The following SPA17 variants were observed in gnomAD, a reference collection of about 807,000 sequenced individuals.
SPA17 encodes the protein sperm autoantigenic protein 17.
SPA17 carries 7 observed loss-of-function variants against 13.8 expected under a neutral mutation model. The ratio of observed to expected loss-of-function variants is 0.51; its 90% CI spans 0.29 to 0.95. The LOEUF is 0.95. Ranked by LOEUF, SPA17 falls within the 40% of genes least tolerant of loss-of-function variation. The probability of loss-of-function intolerance (pLI) is 0.08; values close to 1 mark genes in which losing one functional copy is unlikely to be tolerated. For synonymous variants in SPA17, 61 were observed against 59.0 expected, an observed-to-expected ratio of 1.03 and a Z score of -0.16; for missense variants, 170 against 179.3, an observed-to-expected ratio of 0.95 and a Z score of 0.30.
At chr11:124,681,965 G>A (rs933494215) in intron 3 of SPA17, among the ~76,000 whole-genome samples, 7 of 152,050 alleles carry the variant, frequency 4.6e-5, no homozygotes, top group Admixed American at 3.9e-4. Flanking sequence ...TGATACAAAA[G>A]ACCGGTTAGA....
intron 3 of SPA17, among the ~76,000 whole-genome samples, chr11:124,683,187 A>G (rs60246168): frequency 6.6e-6 from 1 of 152,220 alleles, no homozygotes; most frequent in Non-Finnish European, 1.5e-5. Context: ...AGCAAATGCC[A>G]AGGGCATTCG....
chr11:124,681,386 T>C lies in SPA17; in HGVS notation c.155-3T>C. ...CTGAAGTTCTTATATTTTTATTATTTAGAAACCAACTTTGATCCAGCAGAA... is the reference window on the plus strand; with the variant it reads ...CTGAAGTTCTTATATTTTTATTATTCAGAAACCAACTTTGATCCAGCAGAA... On this transcript the variant is annotated splice_region_variant and splice_polypyrimidine_tract_variant and intron_variant, in intron 2 of 4. Coordinates refer to ENST00000227135, the MANE Select transcript of SPA17 (RefSeq NM_017425.4). 1.3e-6 allele frequency: 2 copies of C among 1,573,914 alleles called. No individual in the cohort carries two copies. The highest frequency in any genetic ancestry group is 1.7e-6 in the Non-Finnish European group (2 of 1,157,302).
intron 3 of SPA17, among the ~76,000 whole-genome samples, chr11:124,689,243 A>G (rs1449024965): frequency 6.6e-6 from 1 of 152,348 alleles, no homozygotes; most frequent in South Asian, 2.1e-4. Context: ...TTTACTGGAT[A>G]TTGGTCTAGG....
chr11:124,693,867 A>G (rs546083807), intron 4 of SPA17, among the ~76,000 whole-genome samples: 2 of 152,338 alleles, frequency 1.3e-5, no homozygotes, highest in East Asian at 3.9e-4. Context: ...TATGACGATG[A>G]TTAACTAATC....
At chr11:124,688,734 C>G (rs1395063211) in intron 3 of SPA17, among the ~76,000 whole-genome samples, 2 of 152,142 alleles carry the variant, frequency 1.3e-5, no homozygotes, top group Non-Finnish European at 2.9e-5. Flanking sequence ...AAAAACAATC[C>G]TAAAATTCAT....
In SPA17 at chr11:124,694,735, A is replaced by C. The variant is rs1479627695; in HGVS notation, c.*289A>C. ...GTATCTGAGATTACAGAGATCTCAG[A>C]GGTTATGTGTTCTAACTATTATCAA... On this transcript the variant is annotated 3_prime_UTR_variant, in exon 5 of 5. Coordinates refer to ENST00000227135, the MANE Select transcript of SPA17 (RefSeq NM_017425.4). 2 of 256,668 alleles carry C rather than the reference A, an allele frequency of 7.8e-6. No individual in the cohort carries two copies. The highest frequency in any genetic ancestry group is 1.5e-5 in the Non-Finnish European group (2 of 136,288). 15.9% of individuals were successfully genotyped at this position (256,668 alleles called of 1,614,324 possible).
Position 124,691,722 on chromosome 11 carries a change from T to C in SPA17, c.252T>C (p.Asp84=), listed in dbSNP as rs1339918872. Reference sequence around the variant, plus strand: ...AGCAAGAACCACCTGAGAAAAGTGATCCTAAACAAGAAGAGTCTCAGATAT... The same window carrying C: ...AGCAAGAACCACCTGAGAAAAGTGACCCTAAACAAGAAGAGTCTCAGATAT... ...FEEQEPPEKS[D]PKQEESQISG... is the part of the protein sequence containing the mutation. Residue 84 remains aspartate (D), a synonymous_variant, in exon 4 of 5, where the codon GAT becomes GAC. Transcript: ENST00000227135. 2 of 1,612,356 alleles carry C rather than the reference T, an allele frequency of 1.2e-6. No individual in the cohort carries two copies. The highest frequency in any genetic ancestry group is 2.2e-5 in the East Asian group (1 of 44,694).
rs924146321 is a variant in SPA17, at chr11:124,677,172, A to G, written c.154+1754A>G. Among the ~76,000 whole-genome samples the G allele has an allele frequency of 3.3e-5, 5 of 152,152 alleles. 1 individual carries two copies. Among genetic ancestry groups the G allele is most frequent in the African/African-American group, 1.2e-4 (5 of 41,442 alleles). ...CATTTGAAAAAATTGTAAGCACCACACCCAATTCCACCCATGTCAACCAAA... is the reference window on the plus strand; with the variant it reads ...CATTTGAAAAAATTGTAAGCACCACGCCCAATTCCACCCATGTCAACCAAA... On this transcript the variant is annotated intron_variant, in intron 2 of 4. Transcript: ENST00000227135.
At chr11:124,684,897 T>A (rs535960229) in intron 3 of SPA17, among the ~76,000 whole-genome samples, 1 of 152,290 alleles carries the variant, frequency 6.6e-6, no homozygotes, top group African/African-American at 2.4e-5. Context: ...TTGAGAGAAA[T>A]AATTTACAGT....
intron 2 of SPA17, among the ~76,000 whole-genome samples, chr11:124,678,635 C>T (rs894026127): frequency 2.0e-5 from 3 of 152,058 alleles, no homozygotes; most frequent in African/African-American, 7.2e-5. Context: ...CCACTGCAAC[C>T]TCCCAGGCTC....
Position 124,691,793 on chromosome 11 carries a change from T to C in SPA17, c.312+11T>C, listed in dbSNP as rs1298230493. The C allele has an allele frequency of 6.4e-7, 1 of 1,565,978 alleles. No individual in the cohort carries two copies. Among genetic ancestry groups the C allele is most frequent in the Non-Finnish European group, 8.8e-7 (1 of 1,142,830 alleles). On this transcript the variant is annotated intron_variant, in intron 4 of 4. Coordinates refer to ENST00000227135, the MANE Select transcript of SPA17 (RefSeq NM_017425.4). ...TCAGTCACCATCTTAGTATGTAATA[T>C]TTTTCATGTACTATTGGATTCCTAC...
chr11:124,678,443 A>T (rs908258515), intron 2 of SPA17, among the ~76,000 whole-genome samples: 2 of 151,904 alleles, frequency 1.3e-5, no homozygotes, highest in Non-Finnish European at 2.9e-5. Context: ...AAAGTGCTGG[A>T]ATAACAGCTG....
At position 124,685,438 on chromosome 11, in the gene SPA17, G is replaced by T. The variant is rs908455581; in HGVS notation, c.225+3979G>T. On this transcript the variant is annotated intron_variant, in intron 3 of 4. Transcript: ENST00000227135. ...CACCTGGATGTCCAGGCAGAAGTTT[G>T]CTGCAGGTGCAGAGCCCCCATGGAG... 3.3e-5 allele frequency among the ~76,000 whole-genome samples: 5 copies of T among 152,354 alleles called. No individual in the cohort carries two copies. The East Asian group carries it at 7.7e-4, about 24-fold the overall frequency.
intron 4 of SPA17, among the ~76,000 whole-genome samples, chr11:124,692,562 A>G (rs1943632221): frequency 6.6e-6 from 1 of 152,156 alleles, no homozygotes; most frequent in Non-Finnish European, 1.5e-5. Flanking sequence ...CCTGGGCGAC[A>G]GTACAAGACT....
Position 124,673,935 on chromosome 11 carries a change from A to G in SPA17, c.-45A>G, listed in dbSNP as rs1943418659. On this transcript the variant is annotated 5_prime_UTR_variant, in exon 1 of 5. Transcript: ENST00000227135. ...AAAAACAACCGGAACCGGCGGCACC[A>G]GCTCGGAGAGAAAGGAGGTGAGGCC... 5.1e-6 allele frequency: 3 copies of G among 583,380 alleles called. No individual in the cohort carries two copies. The highest frequency in any genetic ancestry group is 2.1e-5 in the South Asian group (1 of 47,294). 36.1% of individuals were successfully genotyped at this position (583,380 alleles called of 1,614,324 possible).
chr11:124,694,646 G>A lies in SPA17; in HGVS notation c.*200G>A, dbSNP rs919665722. ...CTTGAAGATTTCTCTGAGATCATGA[G>A]TTTGTTTACACTTGTCTCAAGCCTA... On this transcript the variant is annotated 3_prime_UTR_variant, in exon 5 of 5. Coordinates refer to ENST00000227135, the MANE Select transcript of SPA17 (RefSeq NM_017425.4). 3.2e-6 allele frequency: 2 copies of A among 617,000 alleles called. No individual in the cohort carries two copies. The highest frequency in any genetic ancestry group is 3.7e-5 in the African/African-American group (2 of 53,362). 38.2% of individuals were successfully genotyped at this position (617,000 alleles called of 1,614,324 possible).
At chr11:124,675,027 G>T in intron 1 of SPA17, 1 of 341,614 alleles carries the variant, frequency 2.9e-6, no homozygotes, top group Non-Finnish European at 5.2e-6. Context: ...TAAATGATTT[G>T]GCCTAGTGAA....
chr11:124,683,525 A>G (rs1403460615), intron 3 of SPA17, among the ~76,000 whole-genome samples: 2 of 150,898 alleles, frequency 1.3e-5, no homozygotes, highest in Non-Finnish European at 2.9e-5. Context: ...GACTGGCTGA[A>G]TGGATTTCTT....
At chr11:124,678,403 C>G (rs1189616810) in intron 2 of SPA17, among the ~76,000 whole-genome samples, 1 of 151,874 alleles carries the variant, frequency 6.6e-6, no homozygotes, top group African/African-American at 2.4e-5. Context: ...CTCCTGGGCT[C>G]AAGTGATGAT....
Sources: allele counts gnomAD v4.1 joint callset (sites outside exome capture counted in the v4.1 genomes callset), GRCh38; gene constraint gnomAD v4.1.1; transcripts MANE v1.5; gene names NCBI Gene and HGNC (gene_info 2026-07-23, HGNC 2026-07-21).